The following ZNF782 variants were observed in gnomAD, a reference collection of about 807,000 sequenced individuals.
ZNF782 encodes the protein zinc finger protein 782.
ZNF782 carries 12 observed loss-of-function variants against 13.0 expected under a neutral mutation model. That is an observed-to-expected ratio of 0.92 (90% CI 0.59 to 1.50). The LOEUF is 1.50. Among genes scored for constraint, ZNF782 ranks in the 40% most tolerant of loss-of-function variants. The pLI is 0.00. For synonymous variants in ZNF782, 284 were observed against 283.0 expected (o/e 1.00, Z -0.04); for missense variants, 770 against 822.9 (o/e 0.94, Z 0.79).
At chr9:96,911,131 GAA>G in the ZNF782 span, among the ~76,000 whole-genome samples, 5 of 134,784 alleles carry the variant, frequency 3.7e-5, no homozygotes, top group East Asian at 5.1e-4. Context: ...CTCAAAGGAG[GAA>G]AAAAAAAAAA....
chr9:96,897,905 T>C, the ZNF782 span: 3 of 151,400 alleles, frequency 2.0e-5, no homozygotes, highest in Non-Finnish European at 4.4e-5. Context: ...GGGATAACAC[T>C]AGGTCCTTAA....
intron 2 of ZNF782, among the ~76,000 whole-genome samples, chr9:96,852,502 C>G (rs935755431): frequency 1.3e-5 from 2 of 152,042 alleles, no homozygotes; most frequent in African/African-American, 2.4e-5. Flanking sequence ...AAAAAATTAG[C>G]CAGGTGTGGT....
At chr9:96,913,459 G>C in the ZNF782 span, among the ~76,000 whole-genome samples, 1 of 151,924 alleles carries the variant, frequency 6.6e-6, no homozygotes, top group Non-Finnish European at 1.5e-5. Context: ...AACTGTCAGA[G>C]AAAACATGCT....
At chr9:96,933,267 C>A in the ZNF782 span, among the ~76,000 whole-genome samples, 6 of 151,898 alleles carry the variant, frequency 4.0e-5, no homozygotes, top group Non-Finnish European at 8.8e-5. Flanking sequence ...CATGACCCAC[C>A]GTGCCCGGCT....
At chr9:96,912,217 A>G in the ZNF782 span, among the ~76,000 whole-genome samples, 1 of 149,430 alleles carries the variant, frequency 6.7e-6, no homozygotes, top group African/African-American at 2.4e-5. Context: ...AAAAAAAAAA[A>G]AAAACTAACT....
chr9:96,851,504 G>A (rs1424963462), intron 3 of ZNF782, among the ~76,000 whole-genome samples: 2 of 152,128 alleles, frequency 1.3e-5, no homozygotes, highest in Non-Finnish European at 2.9e-5. Context: ...AAACAGGAAA[G>A]TATAGTTTAA....
At chr9:96,931,505 G>C in the ZNF782 span, among the ~76,000 whole-genome samples, 1 of 151,526 alleles carries the variant, frequency 6.6e-6, no homozygotes, top group Non-Finnish European at 1.5e-5. Context: ...CTTCTTGGCA[G>C]ACAAGGGTCA....
At chr9:96,823,623 C>T (rs905991501) in intron 5 of ZNF782, among the ~76,000 whole-genome samples, 5 of 152,092 alleles carry the variant, frequency 3.3e-5, no homozygotes, top group Non-Finnish European at 7.4e-5. Flanking sequence ...TCCAAGATTA[C>T]GCTATAGAGG....
At chr9:96,868,081 A>G (rs965700442) in intron 1 of ZNF782, among the ~76,000 whole-genome samples, 2 of 152,274 alleles carry the variant, frequency 1.3e-5, no homozygotes, top group African/African-American at 4.8e-5. Context: ...AGAAGTGGAA[A>G]TAAGTAGAGA....
chr9:96,838,719 T>TTC (rs1388991198), intron 4 of ZNF782, among the ~76,000 whole-genome samples: 3 of 146,742 alleles, frequency 2.0e-5, no homozygotes, highest in African/African-American at 4.9e-5. Flanking sequence ...TTTCTTTTCT[T>TTC]TTTTTTTTTT....
At chr9:96,893,528 G>A in the ZNF782 span, 1 of 151,960 alleles carries the variant, frequency 6.6e-6, no homozygotes, top group Non-Finnish European at 1.5e-5. Context: ...CCCATTACTG[G>A]GTATATACCC....
chr9:96,840,721 C>T (rs557811680), intron 4 of ZNF782, among the ~76,000 whole-genome samples: 104 of 152,126 alleles, frequency 6.8e-4, no homozygotes, highest in Middle Eastern at 3.4e-3. Context: ...ATAAGAGACA[C>T]GTCTTAGTAA....
At chr9:96,836,082 C>T (rs1588158520) in intron 4 of ZNF782, among the ~76,000 whole-genome samples, 1 of 152,216 alleles carries the variant, frequency 6.6e-6, no homozygotes, top group Non-Finnish European at 1.5e-5. Context: ...GGCTACTCCT[C>T]ACACCAGTGT....
chr9:96,903,556 GTTTTTTTTTT>G, the ZNF782 span, among the ~76,000 whole-genome samples: 2 of 75,462 alleles, frequency 2.7e-5, no homozygotes, highest in African/African-American at 1.2e-4. Flanking sequence ...TTTTATGTTG[GTTTTTTTTTT>G]TTTTTTTTTT....
At chr9:96,880,441 G>A (rs897512243), upstream of ZNF782, among the ~76,000 whole-genome samples, 12 of 152,198 alleles carry the variant, frequency 7.9e-5, no homozygotes, top group South Asian at 1.2e-3. Context: ...CGTTTTTTAG[G>A]TTGAGAAAGT....
the ZNF782 span, among the ~76,000 whole-genome samples, chr9:96,920,386 C>T: frequency 2.7e-5 from 4 of 150,004 alleles, no homozygotes; most frequent in African/African-American, 9.7e-5. Flanking sequence ...CCTGCCTCAG[C>T]CTCCCGAGTA....
chr9:96,888,360 A>AAAATGG, the ZNF782 span: 1 of 152,214 alleles, frequency 6.6e-6, no homozygotes, highest in Non-Finnish European at 1.5e-5. Context: ...ATGGTTTTAC[A>AAAATGG]TGTGTACACA....
upstream of ZNF782, among the ~76,000 whole-genome samples, chr9:96,879,373 G>A (rs540841213): frequency 6.6e-6 from 1 of 152,268 alleles, no homozygotes; most frequent in African/African-American, 2.4e-5. Flanking sequence ...CCTGGTGGCG[G>A]GCGCCTGTAG....
At chr9:96,876,964 AAAAAAAAAAG>A (rs60402099), upstream of ZNF782, among the ~76,000 whole-genome samples, 4,050 of 141,500 alleles carry the variant, frequency 0.029, 265 homozygotes, top group African/African-American at 0.1. Context: ...AAAAAAAAAA[AAAAAAAAAAG>A]AAGAAGAAGA....
Sources: allele counts gnomAD v4.1 joint callset (sites outside exome capture counted in the v4.1 genomes callset), GRCh38; gene constraint gnomAD v4.1.1; transcripts MANE v1.5; gene names NCBI Gene and HGNC (gene_info 2026-07-23, HGNC 2026-07-21).